Variants in DRG1 observed in about 807,000 individuals in gnomAD.
DRG1 encodes developmentally-regulated GTP-binding protein 1.
Under a neutral mutation model 38.8 loss-of-function variants are expected in DRG1, and 19 were observed. The observed-to-expected ratio is 0.49, with a 90% CI of 0.34 to 0.72. The LOEUF is 0.72. Ranked by LOEUF, DRG1 falls within the 30% of genes least tolerant of loss-of-function variation. The pLI, the probability that DRG1 is intolerant of heterozygous loss-of-function variation, is 0.01. For missense variants in DRG1, 299 were observed against 444.8 expected, an observed-to-expected ratio of 0.67 and a Z score of 2.95; for synonymous variants, 167 against 157.5, an observed-to-expected ratio of 1.06 and a Z score of -0.45.
At chr22:31,430,492 C>T (rs1003566798) in intron 8 of DRG1, among the ~76,000 whole-genome samples, 6 of 151,764 alleles carry the variant, frequency 4.0e-5, no homozygotes, top group South Asian at 4.2e-4. Flanking sequence ...CTCTGCTTCC[C>T]GGGTTCACGC....
At position 31,399,625 on chromosome 22, in the gene DRG1, C is replaced by T. The variant is rs766501589; in HGVS notation, c.-59C>T. ...CTGCAGTAGCGCCTGGTGGCGGTGG[C>T]AGTTTGCCCGCGGGTGTGTGAAGGG... On this transcript the variant is annotated 5_prime_UTR_variant, in exon 1 of 9. Coordinates refer to ENST00000331457, the MANE Select transcript of DRG1 (RefSeq NM_004147.4). 6 of 1,611,882 alleles carry T rather than the reference C, an allele frequency of 3.7e-6. No individual in the cohort carries two copies. The highest frequency in any genetic ancestry group is 1.7e-5 in the Admixed American group (1 of 60,002).
rs771072172 is a variant in DRG1, at chr22:31,433,902, C to T, written c.1035C>T (p.His345=). 1.2e-6 allele frequency: 2 copies of T among 1,614,140 alleles called. No individual in the cohort carries two copies. The highest frequency in any genetic ancestry group is 3.3e-5 in the Admixed American group (2 of 60,018). Reference sequence around the variant, plus strand: ...TGGTCTGGGGTCTCTCTGTGAAACACAATCCTCAGAAAGTGGGTAAAGACC... The same window carrying T: ...TGGTCTGGGGTCTCTCTGTGAAACATAATCCTCAGAAAGTGGGTAAAGACC... ...YALVWGLSVK[H]NPQKVGKDHT... is the part of the protein sequence containing the mutation. Residue 345 remains histidine, a synonymous_variant, in exon 9 of 9, where the codon CAC becomes CAT. Coordinates refer to ENST00000331457, the MANE Select transcript of DRG1 (RefSeq NM_004147.4).
rs66506650 is a variant in DRG1, at chr22:31,402,505, C to CTTT, written c.167-506_167-504dup. On this transcript the variant is annotated intron_variant, in intron 2 of 8. Coordinates refer to ENST00000331457, the MANE Select transcript of DRG1 (RefSeq NM_004147.4). ...TTTCATACATATATTTGGGCTGTAC[C>CTTT]TTTTTTTTTTTTTTTTTTTTCGAGA... 5.2e-4 allele frequency among the ~76,000 whole-genome samples: 54 copies of CTTT among 104,722 alleles called. 2 individuals carry two copies. Among genetic ancestry groups the CTTT allele is most frequent in the Non-Finnish European group, 7.0e-4 (39 of 55,818 alleles). 68.7% of individuals were successfully genotyped at this position (104,722 alleles called of 152,430 possible). A position where few individuals can be genotyped will look rare whatever the true frequency, so the allele number is the denominator to read the frequency against.
At chr22:31,409,324 A>G (rs1158134277) in intron 3 of DRG1, among the ~76,000 whole-genome samples, 1 of 152,040 alleles carries the variant, frequency 6.6e-6, no homozygotes, top group African/African-American at 2.4e-5. Flanking sequence ...AGCTCAAGCA[A>G]TCTGCCTGCT....
chr22:31,405,034 T>TTTATTGAATGTTG (rs1333279169), intron 3 of DRG1, among the ~76,000 whole-genome samples: 2 of 152,194 alleles, frequency 1.3e-5, no homozygotes, highest in Non-Finnish European at 2.9e-5. Context: ...CATTGACTAT[T>TTTATTGAATGTTG]TTATTGAATG....
chr22:31,400,282 G>A (rs1025877293), intron 1 of DRG1, among the ~76,000 whole-genome samples: 7 of 151,894 alleles, frequency 4.6e-5, no homozygotes, highest in Non-Finnish European at 1.0e-4. Context: ...ATTCCATTGC[G>A]TGCGGCCCTG....
intron 3 of DRG1, among the ~76,000 whole-genome samples, chr22:31,408,302 A>C (rs1307168719): frequency 6.9e-6 from 1 of 145,092 alleles, no homozygotes; most frequent in African/African-American, 2.5e-5. Flanking sequence ...ACTACGCCCC[A>C]CTAATTTTTT....
chr22:31,424,488 C>CTTTTTTTT (rs398036881), intron 6 of DRG1, among the ~76,000 whole-genome samples: 40 of 71,406 alleles, frequency 5.6e-4, no homozygotes, highest in South Asian at 7.0e-4. Context: ...GCTTTGGTTT[C>CTTTTTTTT]TTTTTTTTTT....
At chr22:31,431,170 A>G (rs1328133501) in intron 8 of DRG1, among the ~76,000 whole-genome samples, 2 of 149,934 alleles carry the variant, frequency 1.3e-5, no homozygotes, top group African/African-American at 2.5e-5. Context: ...GAGTAGCTGG[A>G]ACTACAGGTG....
At chr22:31,431,808 A>G (rs2050140755) in intron 8 of DRG1, among the ~76,000 whole-genome samples, 1 of 152,226 alleles carries the variant, frequency 6.6e-6, no homozygotes, top group African/African-American at 2.4e-5. Flanking sequence ...CCACAGTCAA[A>G]ACATTATGCT....
intron 6 of DRG1, among the ~76,000 whole-genome samples, chr22:31,424,362 AC>A (rs1569050550): frequency 6.7e-6 from 1 of 149,726 alleles, no homozygotes; most frequent in East Asian, 2.0e-4. Flanking sequence ...TGTTGGCCAG[AC>A]TGGTCTCAAA....
chr22:31,416,126 C>T (rs552078616), intron 4 of DRG1, among the ~76,000 whole-genome samples: 16 of 152,036 alleles, frequency 1.1e-4, no homozygotes, highest in Admixed American at 2.6e-4. Flanking sequence ...CTGGCTAACA[C>T]GGCAAAACCC....
At chr22:31,423,199 C>T (rs1458570314) in intron 5 of DRG1, 81 bp from the exon 6 acceptor site, 1 of 1,553,954 alleles carries the variant, frequency 6.4e-7, no homozygotes, top group Admixed American at 1.8e-5. Context: ...CTAGAATTTT[C>T]CAGGTACATG....
At chr22:31,406,478 G>C (rs1386040534) in intron 3 of DRG1, among the ~76,000 whole-genome samples, 1 of 151,350 alleles carries the variant, frequency 6.6e-6, no homozygotes, top group Non-Finnish European at 1.5e-5. Flanking sequence ...CTCTCATTTT[G>C]TATAAACTTT....
chr22:31,402,364 A>G (rs996802921), intron 2 of DRG1, among the ~76,000 whole-genome samples: 2 of 152,060 alleles, frequency 1.3e-5, no homozygotes, highest in South Asian at 2.1e-4. Context: ...AACAAAAACA[A>G]AACTCTTTTT....
At chr22:31,410,505 C>G (rs776498641) in intron 3 of DRG1, among the ~76,000 whole-genome samples, 1 of 151,768 alleles carries the variant, frequency 6.6e-6, no homozygotes, top group Non-Finnish European at 1.5e-5. Flanking sequence ...TCTCCCAAAA[C>G]TAACAGACAA....
At chr22:31,412,301 C>G (rs1325926156) in intron 4 of DRG1, among the ~76,000 whole-genome samples, 2 of 150,550 alleles carry the variant, frequency 1.3e-5, no homozygotes, top group Non-Finnish European at 1.5e-5. Context: ...CTTCAGCAAA[C>G]TAATTCTTGG....
At chr22:31,418,617 C>T (rs185912245) in intron 4 of DRG1, among the ~76,000 whole-genome samples, 6 of 152,198 alleles carry the variant, frequency 3.9e-5, no homozygotes, top group East Asian at 3.9e-4. Context: ...AAGTGATTCT[C>T]GTGCCTCAGC....
At chr22:31,401,782 G>A (rs557813035) in intron 2 of DRG1, among the ~76,000 whole-genome samples, 1 of 152,022 alleles carries the variant, frequency 6.6e-6, no homozygotes, top group South Asian at 2.1e-4. Flanking sequence ...GGCCAGGCGC[G>A]GTGGCTCACT....
Sources: gnomAD v4.1 joint callset for allele counts (sites outside exome capture counted in the v4.1 genomes callset) on GRCh38, gnomAD v4.1.1 for gene constraint, MANE v1.5 for transcripts, NCBI Gene and HGNC (gene_info 2026-07-23, HGNC 2026-07-21) for gene names.